SGCE: variants seen among roughly 807,000 people sequenced by gnomAD.
SGCE encodes epsilon-sarcoglycan.
SGCE carries 26 observed loss-of-function variants against 57.8 expected under a neutral mutation model. That is an observed-to-expected ratio of 0.45 (90% CI 0.33 to 0.62). The LOEUF is 0.62. SGCE is among the 20% of genes least tolerant of loss of function. SGCE has a pLI of 0.02. For missense variants in SGCE, 468 were observed against 548.6 expected (o/e 0.85, Z 1.47); for synonymous variants, 183 against 189.5 (o/e 0.97, Z 0.28).
intron 9 of SGCE, among the ~76,000 whole-genome samples, chr7:94,591,408 C>T (rs1374769577): frequency 2.0e-5 from 3 of 152,118 alleles, no homozygotes; most frequent in Non-Finnish European, 4.4e-5. Flanking sequence ...CAAGCACTTC[C>T]TCATTCCTTA....
At chr7:94,646,910 T>C (rs1345039777) in intron 1 of SGCE, among the ~76,000 whole-genome samples, 1 of 152,204 alleles carries the variant, frequency 6.6e-6, no homozygotes, top group East Asian at 1.9e-4. Flanking sequence ...GGGTACAAAA[T>C]ATAAATGTTC....
chr7:94,618,984 A>T (rs1802359206), intron 4 of SGCE, 28 bp from the exon 5 acceptor site: 5 of 1,444,404 alleles, frequency 3.5e-6, no homozygotes, highest in Non-Finnish European at 4.9e-6. Context: ...GGGCATGCAT[A>T]TCTTTAATGA....
At chr7:94,607,814 C>T (rs1456201981) in intron 5 of SGCE, among the ~76,000 whole-genome samples, 1 of 152,102 alleles carries the variant, frequency 6.6e-6, no homozygotes, top group East Asian at 1.9e-4. Context: ...AAAAAGTATA[C>T]AGATTTGAAA....
intron 1 of SGCE, among the ~76,000 whole-genome samples, chr7:94,651,750 C>A (rs570071726): frequency 1.5e-4 from 23 of 152,002 alleles, no homozygotes; most frequent in Non-Finnish European, 2.5e-4. Context: ...GTCTTTAATA[C>A]GGTTACAGAA....
At chr7:94,639,024 C>A (rs1806004818) in intron 1 of SGCE, among the ~76,000 whole-genome samples, 1 of 151,964 alleles carries the variant, frequency 6.6e-6, no homozygotes, top group Non-Finnish European at 1.5e-5. Context: ...TTATAGTAAC[C>A]ACAGTAGGAC....
chr7:94,628,994 G>T (rs1033302859), intron 2 of SGCE: 1 of 152,490 alleles, frequency 6.6e-6, no homozygotes, highest in African/African-American at 2.4e-5. Flanking sequence ...TTGTGGAAGA[G>T]TTTTCAGGTA....
At chr7:94,624,871 GTCTT>G (rs1803440353) in intron 3 of SGCE, 1 of 151,792 alleles carries the variant, frequency 6.6e-6, no homozygotes, top group African/African-American at 2.4e-5. Context: ...TCCAATAAAT[GTCTT>G]TATTTTTAAA....
At chr7:94,588,457 C>A (rs899443607) in intron 10 of SGCE, 1 of 1,339,540 alleles carries the variant, frequency 7.5e-7, no homozygotes, top group Non-Finnish European at 9.6e-7. Context: ...TTAGACAGGA[C>A]CTCCATGGAT....
At chr7:94,627,887 C>A in intron 3 of SGCE, 1 of 278,702 alleles carries the variant, frequency 3.6e-6, no homozygotes, top group Non-Finnish European at 6.9e-6. Context: ...ATTCAAAATA[C>A]AGAGCAAATA....
intron 8 of SGCE, 182 bp from the exon 9 acceptor site, chr7:94,599,145 A>G: frequency 1.8e-6 from 1 of 556,866 alleles, no homozygotes; most frequent in Non-Finnish European, 3.2e-6. Context: ...ATATAACAAA[A>G]CTGAAAATTA....
intron 9 of SGCE, chr7:94,594,456 C>T (rs1032718384): frequency 1.3e-5 from 2 of 152,036 alleles, no homozygotes; most frequent in South Asian, 2.1e-4. Flanking sequence ...TCATGACTGT[C>T]GAGGTCATGG....
chr7:94,608,211 A>G (rs1800456993), intron 5 of SGCE, among the ~76,000 whole-genome samples: 1 of 152,142 alleles, frequency 6.6e-6, no homozygotes. Flanking sequence ...GCATGGTGGC[A>G]CACGCCTGTA....
intron 1 of SGCE, among the ~76,000 whole-genome samples, chr7:94,641,349 C>T (rs1229287519): frequency 6.6e-6 from 1 of 152,142 alleles, no homozygotes; most frequent in Non-Finnish European, 1.5e-5. Context: ...CTTTCAAGAA[C>T]ACTGGTCAGA....
intron 8 of SGCE, 65 bp downstream of exon 8, chr7:94,599,632 G>A (rs930357126): frequency 2.9e-5 from 36 of 1,224,802 alleles, no homozygotes; most frequent in Non-Finnish European, 3.6e-5. Context: ...CATGTATGGA[G>A]CATGATGGGC....
chr7:94,589,141 G>T, intron 9 of SGCE: 1 of 213,314 alleles, frequency 4.7e-6, no homozygotes, highest in Non-Finnish European at 9.6e-6. Flanking sequence ...ACATTTTCAT[G>T]GAACAACATA....
intron 1 of SGCE, among the ~76,000 whole-genome samples, chr7:94,639,958 A>G (rs926047612): frequency 6.6e-6 from 1 of 152,212 alleles, no homozygotes; most frequent in Non-Finnish European, 1.5e-5. Flanking sequence ...GTCAGGGTGA[A>G]GCACAAGGAA....
In SGCE at chr7:94,603,457, A is replaced by G. The variant is rs748327900; in HGVS notation, c.663-5T>C. 1.9e-6 allele frequency: 3 copies of G among 1,612,308 alleles called. No individual in the cohort carries two copies. The highest frequency in any genetic ancestry group is 2.5e-6 in the Non-Finnish European group (3 of 1,178,662). ...GCACCAACCATGACATAAACGCTGTAAAAATGTGAAACTCTCAGGTTATCC... is the reference window on the plus strand; with the variant it reads ...GCACCAACCATGACATAAACGCTGTGAAAATGTGAAACTCTCAGGTTATCC... On this transcript the variant is annotated splice_polypyrimidine_tract_variant and splice_region_variant and intron_variant, in intron 5 of 10. Transcript: ENST00000648936.
At chr7:94,623,016 T>C (rs887024660) in intron 4 of SGCE, among the ~76,000 whole-genome samples, 3 of 152,164 alleles carry the variant, frequency 2.0e-5, no homozygotes, top group Non-Finnish European at 2.9e-5. Context: ...CAGCCTTAAC[T>C]TGTGAATCCT....
rs77921180 is a variant in SGCE at position 94,603,772 on chromosome 7, A to T, written c.663-320T>A. ...TCATATTCTGATTACTATATTTAGTAATTACTATATTTAGTAGATATTTAC... is the reference window on the plus strand; with the variant it reads ...TCATATTCTGATTACTATATTTAGTTATTACTATATTTAGTAGATATTTAC... On this transcript the variant is annotated intron_variant, in intron 5 of 10. Transcript: ENST00000648936. Among the ~76,000 whole-genome samples the T allele has an allele frequency of 0.076, 11,577 of 152,208 alleles. 1,503 individuals carry two copies. The highest frequency in any genetic ancestry group is 0.26 in the African/African-American group (10,920 of 41,516).
Sources: allele counts gnomAD v4.1 joint callset (sites outside exome capture counted in the v4.1 genomes callset), GRCh38; gene constraint gnomAD v4.1.1; transcripts MANE v1.5; gene names NCBI Gene and HGNC (gene_info 2026-07-23, HGNC 2026-07-21).